The following HOOK3 variants were observed in gnomAD, a reference collection of about 807,000 sequenced individuals.
HOOK3 encodes hook microtubule tethering protein 3.
Under a neutral mutation model 116.3 loss-of-function variants are expected in HOOK3, and 24 were observed. The ratio of observed to expected loss-of-function variants is 0.21; its 90% CI spans 0.15 to 0.29. The LOEUF is 0.29. Ranked by LOEUF, HOOK3 falls within the 10% of genes least tolerant of loss-of-function variation. The pLI is 1.00. For missense variants in HOOK3, 632 were observed against 830.2 expected (o/e 0.76, Z 2.93); for synonymous variants, 275 against 283.0 (o/e 0.97, Z 0.28).
At chr8:42,940,689 C>T (rs1274451577) in intron 4 of HOOK3, among the ~76,000 whole-genome samples, 1 of 152,044 alleles carries the variant, frequency 6.6e-6, no homozygotes, top group Non-Finnish European at 1.5e-5. Context: ...ACATTTTTTT[C>T]TTCATTTCAA....
At chr8:42,923,344 T>C (rs904240465) in intron 2 of HOOK3, among the ~76,000 whole-genome samples, 1 of 152,144 alleles carries the variant, frequency 6.6e-6, no homozygotes, top group African/African-American at 2.4e-5. Flanking sequence ...GAAACAAATG[T>C]CCCCACAGAA....
intron 20 of HOOK3, 28 bp downstream of exon 20, chr8:43,013,183 A>G: frequency 2.7e-6 from 4 of 1,503,996 alleles, no homozygotes; most frequent in Non-Finnish European, 3.6e-6. Flanking sequence ...ACAATAAAAT[A>G]ATTGTGTTTT....
rs558700842 is a variant in HOOK3 at position 43,024,792 on chromosome 8, T to A, written c.*6294T>A. The A allele has an allele frequency of 5.0e-6, 1 of 201,964 alleles. No individual in the cohort carries two copies. Among genetic ancestry groups the A allele is most frequent in the South Asian group, 1.9e-4 (1 of 5,272 alleles). 12.5% of individuals were successfully genotyped at this position (201,964 alleles called of 1,614,324 possible). A position where few individuals can be genotyped will look rare whatever the true frequency, so the allele number is the denominator to read the frequency against. ...TCAGTTCCCAGAAGCCTAAAAAACATAACATAATATGCTAACAGAGCTAAT... is the reference window on the plus strand; with the variant it reads ...TCAGTTCCCAGAAGCCTAAAAAACAAAACATAATATGCTAACAGAGCTAAT... On this transcript the variant is annotated 3_prime_UTR_variant, in exon 22 of 22. Transcript: ENST00000307602.
chr8:43,026,066 C>G lies in HOOK3; in HGVS notation c.*7568C>G, dbSNP rs1809928299. 9.6e-6 allele frequency: 2 copies of G among 207,382 alleles called. No homozygotes were observed. The allele number at this position is 207,382 out of a possible 1,614,324, so 12.8% of individuals were successfully genotyped here. ...AGAAGACTACCAAAGCATGTTGAGG[C>G]TTTAACATGGGAGACTTCCAGGTAG... On this transcript the variant is annotated 3_prime_UTR_variant, in exon 22 of 22. Transcript: ENST00000307602.
In HOOK3 at chr8:43,026,863, A is replaced by T. The variant is rs563572118; in HGVS notation, c.*8365A>T. The T allele has an allele frequency of 4.7e-6, 1 of 211,836 alleles. No homozygotes were observed. Among genetic ancestry groups the T allele is most frequent in the South Asian group, 1.9e-4 (1 of 5,320 alleles). The allele number at this position is 211,836 out of a possible 1,614,324, so 13.1% of individuals were successfully genotyped here. ...CCCCTGTAACAGATAGGTTTTATGA[A>T]CTCAGCTGTTTTCTTTTTTCTTTTT... On this transcript the variant is annotated 3_prime_UTR_variant, in exon 22 of 22. Coordinates refer to ENST00000307602, the MANE Select transcript of HOOK3 (RefSeq NM_032410.4).
At chr8:42,997,785 C>G (rs1809307363) in intron 16 of HOOK3, 148 bp downstream of exon 16, 1 of 628,252 alleles carries the variant, frequency 1.6e-6, no homozygotes, top group Admixed American at 2.3e-5. Context: ...TACTAACATT[C>G]CTTATAAAAA....
At chr8:42,907,475 G>C (rs1189378419) in intron 2 of HOOK3, among the ~76,000 whole-genome samples, 2 of 152,136 alleles carry the variant, frequency 1.3e-5, no homozygotes, top group Non-Finnish European at 2.9e-5. Flanking sequence ...AACCTGGCCT[G>C]CCCTGGTTTG....
intron 18 of HOOK3, among the ~76,000 whole-genome samples, chr8:43,009,482 T>G (rs996104479): frequency 9.2e-5 from 14 of 152,166 alleles, no homozygotes; most frequent in Non-Finnish European, 1.8e-4. Flanking sequence ...ACTTTGAATT[T>G]TTCGTTAACT....
rs57325956 is a variant in HOOK3 at position 42,938,698 on chromosome 8, T to TTTTATTTATTTA, written c.268-4591_268-4580dup. Among the ~76,000 whole-genome samples, 272 of 149,812 alleles carry TTTTATTTATTTA rather than the reference T, an allele frequency of 1.8e-3. 1 individual carries two copies. The highest frequency in any genetic ancestry group is 5.9e-3 in the South Asian group (28 of 4,766). On this transcript the variant is annotated intron_variant, in intron 4 of 21. Transcript: ENST00000307602. Reference sequence around the variant, plus strand: ...AAATTCTGGGTTGAAAATGCTTTTCTTTTATTTATTTATTTATTTATTTAT... The same window carrying TTTTATTTATTTA: ...AAATTCTGGGTTGAAAATGCTTTTCTTTTATTTATTTATTTATTTATTTATTTATTTATTTAT...
At chr8:42,970,557 T>C (rs1007294538) in intron 11 of HOOK3, among the ~76,000 whole-genome samples, 3 of 152,196 alleles carry the variant, frequency 2.0e-5, no homozygotes, top group Non-Finnish European at 4.4e-5. Flanking sequence ...CTAAAGATTT[T>C]GTGCATATTT....
intron 4 of HOOK3, among the ~76,000 whole-genome samples, chr8:42,931,735 C>CCTTCCCT (rs1385986133): frequency 6.6e-6 from 1 of 151,404 alleles, no homozygotes; most frequent in African/African-American, 2.4e-5. Context: ...CCTTCCCTTC[C>CCTTCCCT]CTTCCCTCTT....
intron 18 of HOOK3, among the ~76,000 whole-genome samples, chr8:43,008,298 A>G (rs531829066): frequency 2.6e-5 from 4 of 152,094 alleles, no homozygotes; most frequent in Admixed American, 2.0e-4. Flanking sequence ...GATTACAGAC[A>G]TGAGCCACTG....
intron 13 of HOOK3, among the ~76,000 whole-genome samples, chr8:42,978,208 A>G (rs1414519790): frequency 6.6e-6 from 1 of 152,208 alleles, no homozygotes; most frequent in Non-Finnish European, 1.5e-5. Context: ...GTTGGCTGTA[A>G]TACTCTGATA....
At chr8:42,934,097 TCTTTA>T (rs767657292) in intron 4 of HOOK3, among the ~76,000 whole-genome samples, 5 of 151,954 alleles carry the variant, frequency 3.3e-5, no homozygotes, top group Non-Finnish European at 5.9e-5. Context: ...ACTTTACTTT[TCTTTA>T]CTTTATCCTC....
At chr8:42,904,100 C>G (rs1260061651) in intron 1 of HOOK3, among the ~76,000 whole-genome samples, 1 of 152,150 alleles carries the variant, frequency 6.6e-6, no homozygotes, top group Non-Finnish European at 1.5e-5. Context: ...AATGTTCATA[C>G]ACTTTTTGAC....
At chr8:43,001,880 A>G (rs1011521080) in intron 16 of HOOK3, among the ~76,000 whole-genome samples, 3 of 152,120 alleles carry the variant, frequency 2.0e-5, no homozygotes, top group Admixed American at 6.5e-5. Flanking sequence ...GAATTCATAT[A>G]TATCCAGGTT....
Position 43,025,114 on chromosome 8 carries a change from C to T in HOOK3, c.*6616C>T, listed in dbSNP as rs1418101802. 4.7e-6 allele frequency: 1 copy of T among 212,724 alleles called. No homozygotes were observed. Among genetic ancestry groups the T allele is most frequent in the Admixed American group, 5.9e-5 (1 of 17,092 alleles). The allele number at this position is 212,724 out of a possible 1,614,324, so 13.2% of individuals were successfully genotyped here. On this transcript the variant is annotated 3_prime_UTR_variant, in exon 22 of 22. Transcript: ENST00000307602. ...GAGAAAGGGACATTTGTTTGAGAAA[C>T]AAGAGACCTGTACCTAATTATGGCA...
intron 2 of HOOK3, among the ~76,000 whole-genome samples, chr8:42,908,804 A>G (rs1807365062): frequency 6.6e-6 from 1 of 152,248 alleles, no homozygotes; most frequent in African/African-American, 2.4e-5. Context: ...GCAAAAACAG[A>G]CAAATGGGAT....
At chr8:42,929,955 A>G (rs1034895540) in intron 3 of HOOK3, among the ~76,000 whole-genome samples, 167 bp from the exon 4 acceptor site, 1 of 152,172 alleles carries the variant, frequency 6.6e-6, no homozygotes, top group Admixed American at 6.5e-5. Context: ...ATTATATAGT[A>G]GTACTTTTTG....
Sources: allele counts gnomAD v4.1 joint callset (sites outside exome capture counted in the v4.1 genomes callset), GRCh38; gene constraint gnomAD v4.1.1; transcripts MANE v1.5; gene names NCBI Gene and HGNC (gene_info 2026-07-23, HGNC 2026-07-21).